CNTNAP4: variants seen among roughly 807,000 people sequenced by gnomAD.
CNTNAP4 encodes the protein contactin-associated protein-like 4.
In CNTNAP4, 98 loss-of-function variants were observed where a neutral mutation model predicts 148.4. That is an observed-to-expected ratio of 0.66 (90% CI 0.56 to 0.78). The LOEUF (loss-of-function observed/expected upper bound fraction) is 0.78. CNTNAP4 is among the 30% of genes least tolerant of loss of function. The probability of loss-of-function intolerance (pLI) is 0.00; values close to 1 mark genes in which losing one functional copy is unlikely to be tolerated. For synonymous variants in CNTNAP4, 730 were observed against 565.1 expected (o/e 1.29, Z -4.14); for missense variants, 1,935 against 1,565.6 (o/e 1.24, Z -3.98).
chr16:76,526,047 A>G (rs1449584139), intron 17 of CNTNAP4, among the ~76,000 whole-genome samples: 1 of 152,048 alleles, frequency 6.6e-6, no homozygotes, highest in Non-Finnish European at 1.5e-5. Flanking sequence ...TAAAGTAAAA[A>G]GGGTAGCATG....
Position 76,435,977 on chromosome 16 carries a change from A to G in CNTNAP4, c.538+8378A>G, listed in dbSNP as rs371370920. 3.9e-5 allele frequency among the ~76,000 whole-genome samples: 6 copies of G among 152,044 alleles called. 1 individual carries two copies. The East Asian group carries it at 9.7e-4, about 25-fold the overall frequency. On this transcript the variant is annotated intron_variant, in intron 4 of 23. Coordinates refer to ENST00000611870, the MANE Select transcript of CNTNAP4 (RefSeq NM_033401.5). ...GATTTCTCTTCATATAAATTAGAAA[A>G]CTCAAGAAGTTCTTTTCAAGTGTAG...
chr16:76,360,546 G>A (rs1423371306), intron 3 of CNTNAP4, among the ~76,000 whole-genome samples: 1 of 152,172 alleles, frequency 6.6e-6, no homozygotes, highest in African/African-American at 2.4e-5. Context: ...GGTGATAGAA[G>A]TTGTAGCAAT....
rs189047031 is a variant in CNTNAP4 at position 76,454,871 on chromosome 16, C to T, written c.1333+2102C>T. On this transcript the variant is annotated intron_variant, in intron 8 of 23. Coordinates refer to ENST00000611870, the MANE Select transcript of CNTNAP4 (RefSeq NM_033401.5). ...ATAAGGATGGATTAATTTTTCTCAG[C>T]TACTGGAGATATATTTTACAAATCT... Among the ~76,000 whole-genome samples the T allele has an allele frequency of 3.3e-5, 5 of 152,188 alleles. No homozygotes were observed. In the East Asian group the frequency reaches 9.6e-4, roughly 29 times the overall value.
intron 17 of CNTNAP4, among the ~76,000 whole-genome samples, chr16:76,522,696 CTTTTCTTTTCTT>C (rs1568497274): frequency 0.04 from 1,042 of 26,170 alleles, 138 homozygotes; most frequent in Middle Eastern, 0.069. Context: ...CCTTTCTTTT[CTTTTCTTTTCTT>C]TTCTTTTCTT....
chr16:76,356,310 T>C (rs2144507511), intron 3 of CNTNAP4, among the ~76,000 whole-genome samples: 2 of 152,066 alleles, frequency 1.3e-5, no homozygotes, highest in South Asian at 4.1e-4. Context: ...TGTATATGTA[T>C]GTATATGCAT....
rs528441125 is a variant in CNTNAP4, at chr16:76,394,022, A to T, written c.391-33430A>T. 3.3e-5 allele frequency among the ~76,000 whole-genome samples: 5 copies of T among 152,270 alleles called. No homozygotes were observed. In the East Asian group the frequency reaches 7.7e-4, roughly 24 times the overall value. On this transcript the variant is annotated intron_variant, in intron 3 of 23. Coordinates refer to ENST00000611870, the MANE Select transcript of CNTNAP4 (RefSeq NM_033401.5). Reference sequence around the variant, plus strand: ...CCTTTGGATATGTGTCTTCATGGGGATGAACAAGCATGCCAAAGAAAATCA... The same window carrying T: ...CCTTTGGATATGTGTCTTCATGGGGTTGAACAAGCATGCCAAAGAAAATCA...
intron 9 of CNTNAP4, among the ~76,000 whole-genome samples, chr16:76,465,828 C>T (rs546908911): frequency 1.3e-5 from 2 of 152,158 alleles, no homozygotes; most frequent in African/African-American, 4.8e-5. Context: ...TCAAAGTCTC[C>T]ATTAGGTTAA....
chr16:76,508,839 G>A (rs1263781921), intron 15 of CNTNAP4, among the ~76,000 whole-genome samples: 2 of 85,848 alleles, frequency 2.3e-5, no homozygotes, highest in African/African-American at 5.6e-5. Context: ...TGCAAGCTCC[G>A]CCTCCTGGGT....
Position 76,468,501 on chromosome 16 carries a change from T to G in CNTNAP4, c.1655+978T>G, listed in dbSNP as rs568048770. On this transcript the variant is annotated intron_variant, in intron 10 of 23. Transcript: ENST00000611870. The stretch of plus-strand genomic sequence containing the variant: ...AATAAATAAATAAATAAATAATATT[T>G]TTTTGAGACAAGGTCTGGCTCTGTC... 2.8e-4 allele frequency among the ~76,000 whole-genome samples: 42 copies of G among 152,024 alleles called. 1 individual carries two copies. In the South Asian group the frequency reaches 8.4e-3, roughly 30 times the overall value.
At chr16:76,299,236 T>G (rs1959665903) in intron 1 of CNTNAP4, among the ~76,000 whole-genome samples, 1 of 152,126 alleles carries the variant, frequency 6.6e-6, no homozygotes, top group South Asian at 2.1e-4. Context: ...AGAAAATTTT[T>G]GCAACCTACT....
At chr16:76,445,377 G>A (rs112068694) in intron 4 of CNTNAP4, among the ~76,000 whole-genome samples, 2 of 152,222 alleles carry the variant, frequency 1.3e-5, no homozygotes, top group South Asian at 2.1e-4. Flanking sequence ...GAGGACAGGG[G>A]CCATATTTAT....
intron 3 of CNTNAP4, among the ~76,000 whole-genome samples, chr16:76,397,169 C>T (rs1391078401): frequency 1.3e-5 from 2 of 151,922 alleles, no homozygotes; most frequent in Admixed American, 6.6e-5. Flanking sequence ...GGCTTTATGT[C>T]GTAGGTGATA....
At chr16:76,523,564 T>G (rs1405010794) in intron 17 of CNTNAP4, among the ~76,000 whole-genome samples, 5 of 152,164 alleles carry the variant, frequency 3.3e-5, no homozygotes, top group Non-Finnish European at 5.9e-5. Flanking sequence ...TATCTCTTAC[T>G]TGATCACTTC....
intron 2 of CNTNAP4, among the ~76,000 whole-genome samples, chr16:76,336,985 G>A (rs1428871118): frequency 6.6e-6 from 1 of 152,182 alleles, no homozygotes; most frequent in Non-Finnish European, 1.5e-5. Flanking sequence ...AGCCACCCAT[G>A]CAGATCAAAC....
intron 2 of CNTNAP4, among the ~76,000 whole-genome samples, chr16:76,354,665 T>C (rs950112341): frequency 6.6e-6 from 1 of 152,204 alleles, no homozygotes; most frequent in South Asian, 2.1e-4. Context: ...ATTTAATGAT[T>C]GTCTCTCACA....
intron 10 of CNTNAP4, among the ~76,000 whole-genome samples, chr16:76,471,526 C>G (rs568423559): frequency 6.6e-6 from 1 of 152,240 alleles, no homozygotes; most frequent in Admixed American, 6.5e-5. Context: ...ACCTGTCCTT[C>G]CAATCCACCC....
At chr16:76,441,841 C>G (rs141313892) in intron 4 of CNTNAP4, among the ~76,000 whole-genome samples, 263 of 152,198 alleles carry the variant, frequency 1.7e-3, no homozygotes, top group African/African-American at 6.1e-3. Context: ...TCATTTATTG[C>G]TAATTGTGTG....
intron 4 of CNTNAP4, among the ~76,000 whole-genome samples, chr16:76,443,549 C>G (rs928733655): frequency 6.6e-6 from 1 of 152,006 alleles, no homozygotes; most frequent in Non-Finnish European, 1.5e-5. Flanking sequence ...TGAGATTATG[C>G]CATTGCACTC....
rs1158633426 is a variant in CNTNAP4, at chr16:76,559,164, C to T, written c.*481C>T. 6.6e-6 allele frequency: 1 copy of T among 152,320 alleles called. No homozygotes were observed. Among genetic ancestry groups the T allele is most frequent in the Non-Finnish European group, 1.5e-5 (1 of 68,188 alleles). The allele number at this position is 152,320 out of a possible 1,614,324, so 9.4% of individuals were successfully genotyped here. Reference sequence around the variant, plus strand: ...TGGCCGGTGTTTGCATCTTCAGTGGCCACAAGCATAATAAAGCCCCTTTGC... The same window carrying T: ...TGGCCGGTGTTTGCATCTTCAGTGGTCACAAGCATAATAAAGCCCCTTTGC... On this transcript the variant is annotated 3_prime_UTR_variant, in exon 24 of 24. Transcript: ENST00000611870.
Sources: gnomAD v4.1 joint callset for allele counts (sites outside exome capture counted in the v4.1 genomes callset) on GRCh38, gnomAD v4.1.1 for gene constraint, MANE v1.5 for transcripts, NCBI Gene and HGNC (gene_info 2026-07-23, HGNC 2026-07-21) for gene names.